The following OS9 variants were observed in gnomAD, a reference collection of about 807,000 sequenced individuals.
The protein encoded by OS9 is OS9 endoplasmic reticulum lectin, also known as protein OS-9.
A neutral mutation model predicts 84.7 loss-of-function variants in OS9; 58 were observed. That is an observed-to-expected ratio of 0.68 (90% confidence interval 0.55 to 0.85). OS9 has a LOEUF of 0.85. Among genes scored for constraint, OS9 ranks in the 40% least tolerant of loss-of-function variants. The pLI is 0.00. For synonymous variants in OS9, 278 were observed against 320.8 expected (o/e 0.87, Z 1.43); for missense variants, 760 against 850.9 (o/e 0.89, Z 1.33).
intron 5 of OS9, among the ~76,000 whole-genome samples, chr12:57,699,914 G>C (rs1210858093): frequency 6.6e-6 from 1 of 152,136 alleles, no homozygotes; most frequent in Non-Finnish European, 1.5e-5. Flanking sequence ...TGGCCAATAT[G>C]GTGAAACCCC....
rs769239704 is a variant in OS9, at chr12:57,716,738, C to T, written c.1039C>T (p.Pro347Ser). The T allele has an allele frequency of 1.1e-5, 18 of 1,613,498 alleles. No individual in the cohort carries two copies. The highest frequency in any genetic ancestry group is 1.4e-5 in the Non-Finnish European group (17 of 1,179,556). Residue 347 changes from proline to serine, a missense_variant, in exon 9 of 15, where the codon CCC becomes TCC. Coordinates refer to ENST00000315970, the MANE Select transcript of OS9 (RefSeq NM_006812.4). ...GGCAGCAGATTCAGCTTCTGGTGCT[C>T]CCAATGGTGAGTGAACCTTCCATGT... is the stretch of plus-strand genomic sequence containing the variant. ...PEAADSASGAPNDFQNNVQVK... is the reference protein window; with the variant it reads ...PEAADSASGASNDFQNNVQVK...
chr12:57,719,242 T>C (rs2140338327), intron 12 of OS9, 60 bp downstream of exon 12: 1 of 1,481,348 alleles, frequency 6.8e-7, no homozygotes, highest in Non-Finnish European at 9.3e-7. Context: ...CTCAGCTGGT[T>C]CTGTTCCCAG....
chr12:57,716,538 A>G, intron 8 of OS9, 26 bp downstream of exon 8: 2 of 1,557,468 alleles, frequency 1.3e-6, no homozygotes, highest in Non-Finnish European at 1.8e-6. Context: ...TCAGAGGAGC[A>G]GGATGGGGAT....
intron 2 of OS9, chr12:57,695,488 C>T: frequency 1.6e-6 from 1 of 608,848 alleles, no homozygotes; most frequent in Non-Finnish European, 3.0e-6. Flanking sequence ...TCAGGGATAC[C>T]ATAATTTCTT....
intron 5 of OS9, among the ~76,000 whole-genome samples, chr12:57,699,409 A>G (rs1476322594): frequency 1.3e-5 from 2 of 152,208 alleles, no homozygotes; most frequent in Non-Finnish European, 2.9e-5. Context: ...TGGAACTTCA[A>G]GGAAGCCATC....
intron 5 of OS9, among the ~76,000 whole-genome samples, chr12:57,708,155 C>G (rs1954225564): frequency 6.6e-6 from 1 of 152,134 alleles, no homozygotes; most frequent in Non-Finnish European, 1.5e-5. Context: ...ATTCACATAA[C>G]TCAACTATAG....
At chr12:57,695,078 C>T in intron 2 of OS9, 152 bp downstream of exon 2, 1 of 651,982 alleles carries the variant, frequency 1.5e-6, no homozygotes, top group Non-Finnish European at 2.7e-6. Context: ...AGGAAAGAAG[C>T]AAAGAATCCT....
At chr12:57,701,899 C>T (rs1251817111) in intron 5 of OS9, among the ~76,000 whole-genome samples, 1 of 152,060 alleles carries the variant, frequency 6.6e-6, no homozygotes, top group Non-Finnish European at 1.5e-5. Context: ...CAGGATCAAG[C>T]GATTGTCCTG....
At chr12:57,694,346 G>A in intron 1 of OS9, 23 bp downstream of exon 1, 2 of 1,613,312 alleles carry the variant, frequency 1.2e-6, no homozygotes, top group Non-Finnish European at 1.7e-6. Flanking sequence ...TAAGGGGCGA[G>A]GGTCTGGGCA....
At chr12:57,716,376 T>C in intron 7 of OS9, 36 bp from the exon 8 acceptor site, 1 of 1,502,094 alleles carries the variant, frequency 6.7e-7, no homozygotes, top group Non-Finnish European at 9.1e-7. Flanking sequence ...TCACCCCTCC[T>C]GTCAGATCAG....
chr12:57,694,584 A>G, intron 1 of OS9, 166 bp from the exon 2 acceptor site: 1 of 752,648 alleles, frequency 1.3e-6, no homozygotes, highest in South Asian at 1.7e-5. Flanking sequence ...CCCGTGGAGA[A>G]ATGGGAGCGC....
Position 57,706,910 on chromosome 12 carries a change from A to G in OS9, c.580-8850A>G, listed in dbSNP as rs1463529326. On this transcript the variant is annotated intron_variant, in intron 5 of 14. Coordinates refer to ENST00000315970, the MANE Select transcript of OS9 (RefSeq NM_006812.4). The stretch of plus-strand genomic sequence containing the variant: ...ATCCTCCCCATCCCCACAATATGCT[A>G]CAAAACCGGTATATTGGGGGGATCG... 8.6e-5 allele frequency among the ~76,000 whole-genome samples: 13 copies of G among 150,842 alleles called. No homozygotes were observed. In the Admixed American group the frequency reaches 8.6e-4, roughly 10 times the overall value.
chr12:57,714,106 GAA>G (rs759134803), intron 5 of OS9, among the ~76,000 whole-genome samples: 6 of 137,484 alleles, frequency 4.4e-5, no homozygotes, highest in South Asian at 2.3e-4. Flanking sequence ...GACCCTGTCT[GAA>G]AAAAAAAAAA....
chr12:57,720,288 C>G, intron 13 of OS9, 25 bp downstream of exon 13: 1 of 1,613,124 alleles, frequency 6.2e-7, no homozygotes, highest in South Asian at 1.1e-5. Context: ...GCGGCTGGAC[C>G]CAGTGCTGTC....
chr12:57,696,372 G>C lies in OS9; in HGVS notation c.578G>C (p.Arg193Pro). The change falls in exon 5 of 15, where the codon CGG becomes CCG. Residue 193 changes from arginine (R) to proline (P), a missense_variant and splice_region_variant. Transcript: ENST00000315970. Reference sequence around the variant, plus strand: ...GGGAGGCCCCGGGAGGCCGAGGTTCGGGTGAGTCTTGAGAGAGGGAAGTTG... The same window carrying C: ...GGGAGGCCCCGGGAGGCCGAGGTTCCGGTGAGTCTTGAGAGAGGGAAGTTG... ...LNGRPREAEVRFLCDEGAGIS... is the reference protein window; with the variant it reads ...LNGRPREAEVPFLCDEGAGIS... 6.3e-7 allele frequency: 1 copy of C among 1,593,998 alleles called. No homozygotes were observed. Among genetic ancestry groups the C allele is most frequent in the Non-Finnish European group, 8.6e-7 (1 of 1,166,358 alleles).
At chr12:57,718,007 G>A in intron 10 of OS9, 49 bp downstream of exon 10, 1 of 1,560,098 alleles carries the variant, frequency 6.4e-7, no homozygotes, top group Non-Finnish European at 8.7e-7. Flanking sequence ...CCAACTGCGA[G>A]CATTTGAAAA....
At chr12:57,719,245 G>A (rs1954606092) in intron 12 of OS9, 63 bp downstream of exon 12, 2 of 1,420,010 alleles carry the variant, frequency 1.4e-6, no homozygotes, top group African/African-American at 2.8e-5. Context: ...AGCTGGTTCT[G>A]TTCCCAGAGG....
intron 5 of OS9, among the ~76,000 whole-genome samples, chr12:57,700,895 A>AT (rs913572521): frequency 6.6e-6 from 1 of 152,136 alleles, no homozygotes; most frequent in South Asian, 2.1e-4. Flanking sequence ...GATATCAAAG[A>AT]TTTTTTTAAG....
chr12:57,696,197 C>T (rs1953826932), intron 4 of OS9, 78 bp from the exon 5 acceptor site: 6 of 1,316,930 alleles, frequency 4.6e-6, no homozygotes, highest in Non-Finnish European at 6.5e-6. Context: ...ATTCTTTTGT[C>T]TCTTTGGGGA....
Sources: allele counts gnomAD v4.1 joint callset (sites outside exome capture counted in the v4.1 genomes callset), GRCh38; gene constraint gnomAD v4.1.1; transcripts MANE v1.5; gene names NCBI Gene and HGNC (gene_info 2026-07-23, HGNC 2026-07-21).